The following IPCEF1 variants were observed in gnomAD, a reference collection of about 807,000 sequenced individuals.
IPCEF1 encodes interaction protein for cytohesin exchange factors 1.
In IPCEF1, 31 loss-of-function variants were observed where a neutral mutation model predicts 50.9. The ratio of observed to expected loss-of-function variants is 0.61; its 90% confidence interval spans 0.46 to 0.82. The LOEUF (loss-of-function observed/expected upper bound fraction) is 0.82, where lower values mean the gene tolerates loss of function less well. IPCEF1 is among the 40% of genes least tolerant of loss of function. The probability of loss-of-function intolerance (pLI) is 0.00; values close to 1 mark genes in which losing one functional copy is unlikely to be tolerated. For missense variants in IPCEF1, 458 were observed against 514.0 expected, an observed-to-expected ratio of 0.89 and a Z score of 1.05; for synonymous variants, 181 against 192.0, an observed-to-expected ratio of 0.94 and a Z score of 0.47.
intron 3 of IPCEF1, among the ~76,000 whole-genome samples, chr6:154,253,455 T>A (rs1781386359): frequency 6.6e-6 from 1 of 152,248 alleles, no homozygotes; most frequent in Non-Finnish European, 1.5e-5. Flanking sequence ...TTGATACATG[T>A]ATCTCTAGTT....
intron 3 of IPCEF1, among the ~76,000 whole-genome samples, chr6:154,253,093 T>C (rs1394507444): frequency 1.3e-5 from 2 of 152,222 alleles, no homozygotes; most frequent in Non-Finnish European, 2.9e-5. Context: ...GAATTAAGTA[T>C]ACTGTTATCT....
chr6:154,279,823 C>T (rs1170565238), intron 2 of IPCEF1, among the ~76,000 whole-genome samples: 5 of 152,182 alleles, frequency 3.3e-5, no homozygotes, highest in African/African-American at 1.2e-4. Context: ...CAGTAAGGAA[C>T]AGGCAGAAAA....
At chr6:154,239,975 TACAGGCGTGAGCC>T (rs1485316218) in intron 5 of IPCEF1, among the ~76,000 whole-genome samples, 6 of 152,200 alleles carry the variant, frequency 3.9e-5, no homozygotes. Flanking sequence ...GTGCTGGGAC[TACAGGCGTGAGCC>T]ACAGCACCCA....
chr6:154,216,689 G>A (rs1344036048), intron 7 of IPCEF1, among the ~76,000 whole-genome samples: 2 of 152,244 alleles, frequency 1.3e-5, no homozygotes, highest in Admixed American at 6.5e-5. Flanking sequence ...CCAACATGGT[G>A]AAACCCTGTC....
At chr6:154,319,328 T>C (rs1370325958) in intron 1 of IPCEF1, among the ~76,000 whole-genome samples, 1 of 152,210 alleles carries the variant, frequency 6.6e-6, no homozygotes, top group Non-Finnish European at 1.5e-5. Flanking sequence ...CATGTGACTG[T>C]TTTTCTAGTT....
intron 9 of IPCEF1, among the ~76,000 whole-genome samples, chr6:154,200,317 C>CTT (rs1453114579): frequency 6.6e-6 from 1 of 152,310 alleles, no homozygotes; most frequent in African/African-American, 2.4e-5. Flanking sequence ...TCTCCAGAAA[C>CTT]TTAAAAGGCC....
intron 3 of IPCEF1, 153 bp from the exon 4 acceptor site, chr6:154,247,641 G>A: frequency 1.8e-6 from 1 of 570,372 alleles, no homozygotes; most frequent in Non-Finnish European, 3.1e-6. Flanking sequence ...GCTACTAGCT[G>A]AGGCACAAAA....
intron 5 of IPCEF1, among the ~76,000 whole-genome samples, chr6:154,223,835 G>A (rs1291154650): frequency 6.6e-6 from 1 of 152,208 alleles, no homozygotes; most frequent in East Asian, 1.9e-4. Flanking sequence ...AAATCACAGA[G>A]CTGCATCTTT....
chr6:154,170,377 G>A (rs1799776652), intron 10 of IPCEF1, among the ~76,000 whole-genome samples: 2 of 152,102 alleles, frequency 1.3e-5, no homozygotes, highest in South Asian at 4.1e-4. Flanking sequence ...GGTGACCTAG[G>A]AGCATCAAAA....
rs60403800 is a variant in IPCEF1 at position 154,331,405 on chromosome 6, A to AAGAAAGAAAGAAAGAAAGAAAGAAAG, written c.-62+25266_-62+25267insCTTTCTTTCTTTCTTTCTTTCTTTCT. The stretch of plus-strand genomic sequence containing the variant: ...AAAGAAAGAAAGAAAGAAAGAAAGA[A>AAGAAAGAAAGAAAGAAAGAAAGAAAG]AGAGAGAGAAAAAGAAAGAGAGAGA... On this transcript the variant is annotated intron_variant, in intron 1 of 11. Transcript: ENST00000367220. Among the ~76,000 whole-genome samples, 103 of 93,002 alleles carry AAGAAAGAAAGAAAGAAAGAAAGAAAG rather than the reference A, an allele frequency of 1.1e-3. No homozygotes were observed. The East Asian group carries it at 0.025, about 23-fold the overall frequency. 61.0% of individuals were successfully genotyped at this position (93,002 alleles called of 152,430 possible).
chr6:154,163,785 A>C (rs1365071916), intron 11 of IPCEF1, among the ~76,000 whole-genome samples: 1 of 152,232 alleles, frequency 6.6e-6, no homozygotes, highest in Non-Finnish European at 1.5e-5. Flanking sequence ...CCTTTCCATT[A>C]AACAAAAAAA....
intron 10 of IPCEF1, among the ~76,000 whole-genome samples, chr6:154,178,844 A>C (rs1800582163): frequency 6.6e-6 from 1 of 152,230 alleles, no homozygotes; most frequent in Non-Finnish European, 1.5e-5. Context: ...TCCTCAGAGA[A>C]AGCCTGGAAC....
At position 154,157,670 on chromosome 6, in the gene IPCEF1, G is replaced by C. The variant is rs1348590805; in HGVS notation, c.*2158C>G. On this transcript the variant is annotated 3_prime_UTR_variant, in exon 12 of 12. Transcript: ENST00000367220. ...GAGCTCTTCAATTTAAGAAAAACTGGAAGTCTACAGGCTGGTGTTGCAAAC... is the reference window on the plus strand; with the variant it reads ...GAGCTCTTCAATTTAAGAAAAACTGCAAGTCTACAGGCTGGTGTTGCAAAC... The C allele has an allele frequency of 6.6e-6, 1 of 152,204 alleles. No homozygotes were observed. Among genetic ancestry groups the C allele is most frequent in the East Asian group, 1.9e-4 (1 of 5,204 alleles). The allele number at this position is 152,204 out of a possible 1,614,324, so 9.4% of individuals were successfully genotyped here.
chr6:154,242,270 A>G (rs1408385290), intron 5 of IPCEF1, among the ~76,000 whole-genome samples: 3 of 152,174 alleles, frequency 2.0e-5, no homozygotes, highest in African/African-American at 7.2e-5. Context: ...GGGCCTTTCT[A>G]GCAAATTCAG....
intron 8 of IPCEF1, 108 bp downstream of exon 8, chr6:154,214,110 G>T: frequency 1.3e-6 from 1 of 763,120 alleles, no homozygotes. Context: ...GCCAAAGCAT[G>T]TTTCCTCAGG....
chr6:154,213,048 G>A (rs1196937755), intron 8 of IPCEF1, 193 bp from the exon 9 acceptor site: 5 of 562,858 alleles, frequency 8.9e-6, no homozygotes, highest in Non-Finnish European at 1.3e-5. Flanking sequence ...GCCAATTCGG[G>A]GCTCCTGACC....
At chr6:154,210,882 A>G (rs1773712066) in intron 9 of IPCEF1, among the ~76,000 whole-genome samples, 1 of 152,226 alleles carries the variant, frequency 6.6e-6, no homozygotes, top group South Asian at 2.1e-4. Context: ...TGCTAGCCAA[A>G]TAAATTAGAA....
intron 11 of IPCEF1, among the ~76,000 whole-genome samples, chr6:154,164,117 A>G (rs1799240464): frequency 6.6e-6 from 1 of 152,234 alleles, no homozygotes; most frequent in South Asian, 2.1e-4. Context: ...ATTTTGTTCT[A>G]AAGAAATTTA....
intron 1 of IPCEF1, among the ~76,000 whole-genome samples, chr6:154,296,370 G>C (rs1317486156): frequency 6.6e-6 from 1 of 152,148 alleles, no homozygotes; most frequent in Non-Finnish European, 1.5e-5. Context: ...GCTTCTCCTA[G>C]AGGCCAGCGC....
Sources: allele counts gnomAD v4.1 joint callset (sites outside exome capture counted in the v4.1 genomes callset), GRCh38; gene constraint gnomAD v4.1.1; transcripts MANE v1.5; gene names NCBI Gene and HGNC (gene_info 2026-07-23, HGNC 2026-07-21).